Variants in AUTS2 observed in about 807,000 individuals in gnomAD.
AUTS2 encodes autism susceptibility gene 2 protein.
Under a neutral mutation model 112.4 loss-of-function variants are expected in AUTS2, and 17 were observed. That is an observed-to-expected ratio of 0.15 (90% CI 0.10 to 0.23). AUTS2 has a LOEUF of 0.23. Ranked by LOEUF, AUTS2 falls within the 10% of genes least tolerant of loss-of-function variation. AUTS2 has a pLI of 1.00. For missense variants in AUTS2, 1,510 were observed against 1,701.6 expected, an observed-to-expected ratio of 0.89 and a Z score of 1.98; for synonymous variants, 751 against 702.7, an observed-to-expected ratio of 1.07 and a Z score of -1.09.
intron 4 of AUTS2, among the ~76,000 whole-genome samples, chr7:70,354,702 A>C (rs938168660): frequency 6.6e-6 from 1 of 152,218 alleles, no homozygotes; most frequent in Non-Finnish European, 1.5e-5. Context: ...GGGTGAGTCC[A>C]AATGAGATGG....
At chr7:69,669,973 G>A (rs1796243773) in intron 1 of AUTS2, among the ~76,000 whole-genome samples, 1 of 152,164 alleles carries the variant, frequency 6.6e-6, no homozygotes, top group African/African-American at 2.4e-5. Flanking sequence ...TTGGGATGTT[G>A]TCTGTCCATA....
intron 4 of AUTS2, among the ~76,000 whole-genome samples, chr7:70,210,565 A>C (rs1562788871): frequency 6.6e-6 from 1 of 152,208 alleles, no homozygotes; most frequent in East Asian, 1.9e-4. Flanking sequence ...CTAAATTCAA[A>C]AGCCTCTGTG....
intron 4 of AUTS2, among the ~76,000 whole-genome samples, chr7:70,211,883 G>T (rs1414598463): frequency 6.6e-6 from 1 of 151,888 alleles, no homozygotes; most frequent in African/African-American, 2.4e-5. Flanking sequence ...CTACTCGGGC[G>T]GCTGAGGCAG....
intron 2 of AUTS2, among the ~76,000 whole-genome samples, chr7:70,103,015 G>A (rs769210249): frequency 2.4e-4 from 36 of 152,272 alleles, no homozygotes; most frequent in South Asian, 1.5e-3. Context: ...TCATTAAGGT[G>A]TGTGGTATTT....
intron 1 of AUTS2, among the ~76,000 whole-genome samples, chr7:69,691,057 A>C (rs1471756827): frequency 6.6e-6 from 1 of 152,176 alleles, no homozygotes; most frequent in Non-Finnish European, 1.5e-5. Context: ...GAGGAGACCC[A>C]AAGTGGGTAT....
intron 4 of AUTS2, among the ~76,000 whole-genome samples, chr7:70,205,473 T>C (rs1015692247): frequency 1.5e-4 from 23 of 152,196 alleles, no homozygotes; most frequent in Non-Finnish European, 2.8e-4. Context: ...CAATAAATTA[T>C]AATAACATAT....
At chr7:69,622,998 TG>T (rs1793747215) in intron 1 of AUTS2, among the ~76,000 whole-genome samples, 1 of 152,238 alleles carries the variant, frequency 6.6e-6, no homozygotes, top group South Asian at 2.1e-4. Context: ...TTGCCTAGGC[TG>T]TGTTACATTT....
intron 2 of AUTS2, among the ~76,000 whole-genome samples, chr7:69,977,216 G>A (rs190685971): frequency 1.9e-4 from 29 of 152,196 alleles, no homozygotes; most frequent in East Asian, 1.4e-3. Flanking sequence ...TCCATTGAAC[G>A]GCTTTGACAC....
At chr7:70,276,116 T>A (rs1787916181) in intron 4 of AUTS2, among the ~76,000 whole-genome samples, 1 of 152,210 alleles carries the variant, frequency 6.6e-6, no homozygotes, top group South Asian at 2.1e-4. Context: ...TTCCCTTTCT[T>A]ATTTCAGTTT....
chr7:70,077,412 A>C (rs1803086864), intron 2 of AUTS2, among the ~76,000 whole-genome samples: 1 of 152,170 alleles, frequency 6.6e-6, no homozygotes, highest in South Asian at 2.1e-4. Context: ...CTGACTTTAC[A>C]CAGTGTTCCA....
intron 1 of AUTS2, among the ~76,000 whole-genome samples, chr7:69,642,704 C>T (rs933242483): frequency 3.3e-5 from 5 of 152,314 alleles, no homozygotes; most frequent in Admixed American, 6.5e-5. Flanking sequence ...CAGGCCTCTT[C>T]CTGTTCTCTT....
intron 4 of AUTS2, among the ~76,000 whole-genome samples, chr7:70,341,867 G>C (rs933396770): frequency 2.0e-5 from 3 of 152,228 alleles, no homozygotes. Flanking sequence ...GCTGGAGAAG[G>C]TGTTTAGAAA....
At chr7:70,161,796 C>T (rs988101994) in intron 4 of AUTS2, among the ~76,000 whole-genome samples, 3 of 152,030 alleles carry the variant, frequency 2.0e-5, no homozygotes, top group Admixed American at 2.0e-4. Context: ...GTGGGTAACA[C>T]TCCATAAACC....
chr7:70,540,886 T>C (rs1389739082), intron 5 of AUTS2, among the ~76,000 whole-genome samples: 2 of 152,164 alleles, frequency 1.3e-5, no homozygotes, highest in African/African-American at 4.8e-5. Flanking sequence ...CCTTTGTAAA[T>C]GTCTTCAGCA....
intron 4 of AUTS2, among the ~76,000 whole-genome samples, chr7:70,197,585 G>A (rs1483186169): frequency 1.0e-5 from 1 of 97,980 alleles, no homozygotes; most frequent in African/African-American, 4.1e-5. Context: ...GGTGACGGAC[G>A]CACCTGGAAA....
intron 6 of AUTS2, among the ~76,000 whole-genome samples, chr7:70,729,668 G>A (rs1029906332): frequency 6.6e-6 from 1 of 152,192 alleles, no homozygotes; most frequent in Admixed American, 6.5e-5. Context: ...TAAAGCTGCG[G>A]AAATTATTCT....
At chr7:70,208,846 C>T (rs971061585) in intron 4 of AUTS2, among the ~76,000 whole-genome samples, 19 of 151,670 alleles carry the variant, frequency 1.3e-4, no homozygotes, top group Non-Finnish European at 1.5e-4. Flanking sequence ...GTTCAAGGGA[C>T]AGGAAAAAGG....
intron 1 of AUTS2, among the ~76,000 whole-genome samples, chr7:69,706,072 C>T (rs966453539): frequency 3.3e-5 from 5 of 152,210 alleles, no homozygotes; most frequent in African/African-American, 1.2e-4. Context: ...CACCTCTACC[C>T]AACCCATCCC....
At chr7:70,522,120 A>C (rs563379947) in intron 5 of AUTS2, among the ~76,000 whole-genome samples, 5 of 152,224 alleles carry the variant, frequency 3.3e-5, no homozygotes, top group African/African-American at 1.2e-4. Context: ...AGGACAACTC[A>C]GTAGGTGTGA....
Sources: allele counts gnomAD v4.1 joint callset (sites outside exome capture counted in the v4.1 genomes callset), GRCh38; gene constraint gnomAD v4.1.1; transcripts MANE v1.5; gene names NCBI Gene and HGNC (gene_info 2026-07-23, HGNC 2026-07-21).